Variants in ZNF445 observed in about 807,000 individuals in gnomAD.
The protein encoded by ZNF445 is zinc finger protein 445, also known as zinc finger protein 168.
ZNF445 carries 19 observed loss-of-function variants against 93.9 expected under a neutral mutation model. That is an observed-to-expected ratio of 0.20 (90% CI 0.14 to 0.30). The LOEUF (loss-of-function observed/expected upper bound fraction) is 0.30. Among genes scored for constraint, ZNF445 ranks in the 10% least tolerant of loss-of-function variants. The pLI, the probability that ZNF445 is intolerant of heterozygous loss-of-function variation, is 1.00. For missense variants in ZNF445, 1,058 were observed against 1,259.4 expected, an observed-to-expected ratio of 0.84 and a Z score of 2.42; for synonymous variants, 449 against 446.3, an observed-to-expected ratio of 1.01 and a Z score of -0.08.
chr3:44,473,176 G>A (rs946430670), intron 1 of ZNF445, among the ~76,000 whole-genome samples: 1 of 152,068 alleles, frequency 6.6e-6, no homozygotes, highest in Non-Finnish European at 1.5e-5. Context: ...AAAAAATGCA[G>A]GCCGGGCGCA....
At chr3:44,474,875 T>G (rs759578923) in intron 1 of ZNF445, among the ~76,000 whole-genome samples, 2 of 152,204 alleles carry the variant, frequency 1.3e-5, no homozygotes, top group African/African-American at 2.4e-5. Flanking sequence ...CTCACACCTG[T>G]AATCCTAGTA....
Position 44,441,099 on chromosome 3 carries a change from G to C in ZNF445, c.*5476C>G, listed in dbSNP as rs533449379. 10 of 152,170 alleles carry C rather than the reference G, an allele frequency of 6.6e-5. No homozygotes were observed. The highest frequency in any genetic ancestry group is 2.4e-4 in the African/African-American group (10 of 41,518). The allele number at this position is 152,170 out of a possible 1,614,324, so 9.4% of individuals were successfully genotyped here. ...CAGCTAATTTTTGTATTTTTTAGTA[G>C]AGACAGGGTTTCACCATGTTGGCCA... On this transcript the variant is annotated 3_prime_UTR_variant, in exon 8 of 8. Transcript: ENST00000396077.
Position 44,434,528 on chromosome 3 carries a change from C to T in ZNF445, c.*12047G>A, listed in dbSNP as rs939364234. Reference sequence around the variant, plus strand: ...TCTTCCAACATGTCTGGAGCAGTTGCTACTCCCTGTACACCAGGTCCAGTG... The same window carrying T: ...TCTTCCAACATGTCTGGAGCAGTTGTTACTCCCTGTACACCAGGTCCAGTG... On this transcript the variant is annotated 3_prime_UTR_variant, in exon 8 of 8. Transcript: ENST00000396077. 1.3e-5 allele frequency: 2 copies of T among 152,136 alleles called. No homozygotes were observed. The highest frequency in any genetic ancestry group is 6.6e-5 in the Admixed American group (1 of 15,264). The allele number at this position is 152,136 out of a possible 1,614,324, so 9.4% of individuals were successfully genotyped here.
At chr3:44,458,006 C>A (rs1237793816) in intron 2 of ZNF445, among the ~76,000 whole-genome samples, 1 of 121,826 alleles carries the variant, frequency 8.2e-6, no homozygotes. Context: ...GAATAAGACT[C>A]CGTCTCAAAA....
At chr3:44,461,500 T>G (rs1698114050) in intron 1 of ZNF445, among the ~76,000 whole-genome samples, 1 of 152,164 alleles carries the variant, frequency 6.6e-6, no homozygotes. Flanking sequence ...CAAAGAACCT[T>G]CCTTATTTGT....
chr3:44,463,497 T>C (rs770632483), intron 1 of ZNF445, among the ~76,000 whole-genome samples: 18 of 152,206 alleles, frequency 1.2e-4, no homozygotes, highest in Non-Finnish European at 2.2e-4. Context: ...AATTAAAAAC[T>C]GATAGATCCC....
chr3:44,460,465 C>G (rs887402461), intron 1 of ZNF445, among the ~76,000 whole-genome samples: 5 of 152,184 alleles, frequency 3.3e-5, no homozygotes, highest in African/African-American at 1.2e-4. Context: ...TCTGACCCTC[C>G]CTAACTGCTC....
intron 1 of ZNF445, among the ~76,000 whole-genome samples, chr3:44,474,153 C>T (rs1488475496): frequency 6.6e-6 from 1 of 152,160 alleles, no homozygotes; most frequent in African/African-American, 2.4e-5. Flanking sequence ...AGGAGAAAGA[C>T]AGTAAGGTTC....
intron 1 of ZNF445, among the ~76,000 whole-genome samples, chr3:44,460,062 T>A (rs1698088442): frequency 6.6e-6 from 1 of 152,112 alleles, no homozygotes; most frequent in Non-Finnish European, 1.5e-5. Flanking sequence ...AAAGTAAGAA[T>A]CTACCCTGGA....
In ZNF445 at chr3:44,439,612, C is replaced by T. The variant is rs1469922123; in HGVS notation, c.*6963G>A. On this transcript the variant is annotated 3_prime_UTR_variant, in exon 8 of 8. Coordinates refer to ENST00000396077, the MANE Select transcript of ZNF445 (RefSeq NM_181489.6). ...TCCTCCACCATAGGTCTGAGTTCAG[C>T]TCCACAAGGTCCCTCTTCCAATCTC... 1.3e-5 allele frequency: 2 copies of T among 152,348 alleles called. No homozygotes were observed. The highest frequency in any genetic ancestry group is 2.9e-5 in the Non-Finnish European group (2 of 68,150). 9.4% of individuals were successfully genotyped at this position (152,348 alleles called of 1,614,324 possible).
At position 44,472,637 on chromosome 3, in the gene ZNF445, T is replaced by C. The variant is rs145988646; in HGVS notation, c.-269+4954A>G. The stretch of plus-strand genomic sequence containing the variant: ...AGCTCAGCCTCTGCAATCATGAACA[T>C]GAATAAAGACCTCACGGGCCTCTCA... On this transcript the variant is annotated intron_variant, in intron 1 of 7. Coordinates refer to ENST00000396077, the MANE Select transcript of ZNF445 (RefSeq NM_181489.6). Among the ~76,000 whole-genome samples the C allele has an allele frequency of 4.4e-3, 668 of 152,184 alleles. 1 individual carries two copies. The highest frequency in any genetic ancestry group is 6.7e-3 in the Non-Finnish European group (458 of 68,012).
rs1697619866 is a variant in ZNF445 at position 44,434,011 on chromosome 3, G to A, written c.*12564C>T. The A allele has an allele frequency of 6.6e-6, 1 of 152,142 alleles. No individual in the cohort carries two copies. Among genetic ancestry groups the A allele is most frequent in the Admixed American group, 6.5e-5 (1 of 15,286 alleles). 9.4% of individuals were successfully genotyped at this position (152,142 alleles called of 1,614,324 possible). A position where few individuals can be genotyped will look rare whatever the true frequency, so the allele number is the denominator to read the frequency against. On this transcript the variant is annotated 3_prime_UTR_variant, in exon 8 of 8. Coordinates refer to ENST00000396077, the MANE Select transcript of ZNF445 (RefSeq NM_181489.6). ...TCCCAGGCAGCCCCTTTGGAAAACA[G>A]TTTGGCATTTCCCCAAAATGTTAAA...
chr3:44,469,552 T>C (rs1698237971), intron 1 of ZNF445, among the ~76,000 whole-genome samples: 2 of 152,136 alleles, frequency 1.3e-5, no homozygotes, highest in Admixed American at 6.5e-5. Context: ...GCACATTACC[T>C]GAGGTCAGGA....
intron 1 of ZNF445, among the ~76,000 whole-genome samples, chr3:44,461,418 T>C (rs1204316856): frequency 6.6e-6 from 1 of 152,184 alleles, no homozygotes; most frequent in Non-Finnish European, 1.5e-5. Flanking sequence ...AGGCTGTCTG[T>C]CTCATCTTTG....
At chr3:44,472,823 AT>A (rs1189524922) in intron 1 of ZNF445, among the ~76,000 whole-genome samples, 1 of 152,132 alleles carries the variant, frequency 6.6e-6, no homozygotes, top group African/African-American at 2.4e-5. Context: ...TCTTGCTGAG[AT>A]TATATCACAA....
Position 44,455,117 on chromosome 3 carries a change from T to A in ZNF445, c.429+4A>T. 3 of 1,613,976 alleles carry A rather than the reference T, an allele frequency of 1.9e-6. No individual in the cohort carries two copies. Among genetic ancestry groups the A allele is most frequent in the Non-Finnish European group, 2.5e-6 (3 of 1,179,990 alleles). ...CTGGGCACCACACACTTGCTCACAC[T>A]CACCCTCCAGGATGTCCCATCAAGG... is the stretch of plus-strand genomic sequence containing the variant. On this transcript the variant is annotated splice_donor_region_variant and intron_variant, in intron 3 of 7. Coordinates refer to ENST00000396077, the MANE Select transcript of ZNF445 (RefSeq NM_181489.6).
At chr3:44,448,778 C>T in intron 7 of ZNF445, 39 bp from the exon 8 acceptor site, 1 of 1,568,576 alleles carries the variant, frequency 6.4e-7, no homozygotes, top group Non-Finnish European at 8.6e-7. Context: ...TACTCTTTTC[C>T]CATACTTGGA....
chr3:44,452,539 G>A (rs761807326), intron 3 of ZNF445, among the ~76,000 whole-genome samples: 8 of 152,206 alleles, frequency 5.3e-5, no homozygotes, highest in Non-Finnish European at 1.0e-4. Flanking sequence ...AGCCCCCACT[G>A]TCTTTTAAGT....
chr3:44,448,185 G>A lies in ZNF445; in HGVS notation c.1486C>T (p.His496Tyr). 1 of 1,614,124 alleles carries A rather than the reference G, an allele frequency of 6.2e-7. No individual in the cohort carries two copies. Among genetic ancestry groups the A allele is most frequent in the Non-Finnish European group, 8.5e-7 (1 of 1,180,036 alleles). Residue 496 changes from histidine to tyrosine, a missense_variant, in exon 8 of 8, where the codon CAT becomes TAT. Around this residue, in one of 3 missense-constraint regions of ZNF445, gnomAD observed 657 missense variants for 746.4 expected, o/e 0.88. Transcript: ENST00000396077. ...KCSDCGRTFS[H>Y]SSHLAYHQRL... ...TGATGATACGCAAGATGGGAGCTAT[G>A]ACTGAAAGTCCTTCCACAGTCACTG...
Sources: allele counts gnomAD v4.1 joint callset (sites outside exome capture counted in the v4.1 genomes callset), GRCh38; gene constraint gnomAD v4.1.1; regional missense constraint gnomAD v4.1.1; transcripts MANE v1.5; gene names NCBI Gene and HGNC (gene_info 2026-07-23, HGNC 2026-07-21).